CTNNBL1: variants seen among roughly 807,000 people sequenced by gnomAD.
CTNNBL1 encodes the protein beta-catenin-like protein 1.
CTNNBL1 carries 31 observed loss-of-function variants against 72.7 expected under a neutral mutation model. The ratio of observed to expected loss-of-function variants is 0.43; its 90% CI spans 0.32 to 0.58. The LOEUF (loss-of-function observed/expected upper bound fraction) is 0.58. CTNNBL1 is among the 20% of genes least tolerant of loss of function. The pLI is 0.08. For synonymous variants in CTNNBL1, 240 were observed against 267.3 expected, an observed-to-expected ratio of 0.90 and a Z score of 1.00; for missense variants, 534 against 725.1, an observed-to-expected ratio of 0.74 and a Z score of 3.03.
At chr20:37,783,557 GT>G (rs1406640358) in intron 10 of CTNNBL1, among the ~76,000 whole-genome samples, 1 of 151,990 alleles carries the variant, frequency 6.6e-6, no homozygotes, top group Non-Finnish European at 1.5e-5. Flanking sequence ...TTGGTATGTT[GT>G]GTTTCCATTT....
At chr20:37,771,271 G>A (rs997150810) in intron 7 of CTNNBL1, among the ~76,000 whole-genome samples, 3 of 152,180 alleles carry the variant, frequency 2.0e-5, no homozygotes, top group African/African-American at 7.2e-5. Flanking sequence ...TAGACCTACC[G>A]TCTCAGTCTC....
chr20:37,795,364 G>C (rs1283012953), intron 10 of CTNNBL1, among the ~76,000 whole-genome samples: 1 of 152,142 alleles, frequency 6.6e-6, no homozygotes, highest in African/African-American at 2.4e-5. Context: ...ATGTTGCCCA[G>C]TTGGACAGTT....
At chr20:37,858,806 C>G (rs1337367270) in intron 13 of CTNNBL1, among the ~76,000 whole-genome samples, 1 of 152,042 alleles carries the variant, frequency 6.6e-6, no homozygotes, top group Non-Finnish European at 1.5e-5. Context: ...TCTAGGGTTA[C>G]AAAGGAGACT....
intron 1 of CTNNBL1, among the ~76,000 whole-genome samples, chr20:37,720,089 G>A (rs185735072): frequency 1.8e-4 from 27 of 152,054 alleles, no homozygotes; most frequent in Admixed American, 3.3e-4. Flanking sequence ...GTGCAGTGGC[G>A]CAATCTCGGC....
At chr20:37,705,589 G>A (rs538835667) in intron 1 of CTNNBL1, among the ~76,000 whole-genome samples, 4 of 152,280 alleles carry the variant, frequency 2.6e-5, no homozygotes, top group African/African-American at 9.6e-5. Flanking sequence ...ACATGCTACA[G>A]TATAGAAATG....
At chr20:37,798,731 C>A (rs2073799705) in intron 10 of CTNNBL1, among the ~76,000 whole-genome samples, 1 of 152,136 alleles carries the variant, frequency 6.6e-6, no homozygotes, top group African/African-American at 2.4e-5. Flanking sequence ...CTTGGCTACA[C>A]CAGAGTCTTT....
At chr20:37,782,310 G>T (rs1016114721) in intron 10 of CTNNBL1, among the ~76,000 whole-genome samples, 2 of 151,980 alleles carry the variant, frequency 1.3e-5, no homozygotes, top group Non-Finnish European at 2.9e-5. Flanking sequence ...TTTCCTTTCT[G>T]ATTATTGATG....
At chr20:37,815,524 G>A (rs1009354290) in intron 11 of CTNNBL1, among the ~76,000 whole-genome samples, 1 of 151,980 alleles carries the variant, frequency 6.6e-6, no homozygotes, top group Non-Finnish European at 1.5e-5. Context: ...CACCATGTTG[G>A]TCAGGCTGCT....
chr20:37,826,857 G>T (rs947649750), intron 11 of CTNNBL1, among the ~76,000 whole-genome samples: 4 of 152,118 alleles, frequency 2.6e-5, no homozygotes, highest in Non-Finnish European at 4.4e-5. Flanking sequence ...ACTGAGTGTC[G>T]TATGTATAAT....
At chr20:37,760,702 AT>A (rs1460546478) in intron 5 of CTNNBL1, among the ~76,000 whole-genome samples, 1 of 152,256 alleles carries the variant, frequency 6.6e-6, no homozygotes, top group Non-Finnish European at 1.5e-5. Flanking sequence ...CAAGTGAGAT[AT>A]TTAATAAGTC....
intron 13 of CTNNBL1, among the ~76,000 whole-genome samples, chr20:37,851,190 A>G (rs1335249909): frequency 6.6e-6 from 1 of 152,220 alleles, no homozygotes; most frequent in Non-Finnish European, 1.5e-5. Flanking sequence ...GCCCCTAAAC[A>G]GGCTTATGCT....
intron 3 of CTNNBL1, among the ~76,000 whole-genome samples, chr20:37,740,225 A>C (rs1172027768): frequency 6.6e-6 from 1 of 152,190 alleles, no homozygotes; most frequent in African/African-American, 2.4e-5. Flanking sequence ...AGCAGTTAGG[A>C]AACTACATTG....
At chr20:37,704,752 G>A (rs1448495021) in intron 1 of CTNNBL1, among the ~76,000 whole-genome samples, 1 of 152,014 alleles carries the variant, frequency 6.6e-6, no homozygotes, top group African/African-American at 2.4e-5. Context: ...TAGCCTCCTG[G>A]GTGGTCTTAC....
At position 37,830,403 on chromosome 20, in the gene CTNNBL1, A is replaced by G. The variant is rs146510139; in HGVS notation, c.1214-9699A>G. Among the ~76,000 whole-genome samples the G allele has an allele frequency of 2.6e-4, 39 of 152,220 alleles. 1 individual carries two copies. The East Asian group carries it at 6.4e-3, about 25-fold the overall frequency. The stretch of plus-strand genomic sequence containing the variant: ...CTCCTGTGACCCAGCTCCGCTTGCT[A>G]GGGCCTCCTTTTCCTTTCTGGTGAA... On this transcript the variant is annotated intron_variant, in intron 11 of 15. Coordinates refer to ENST00000361383, the MANE Select transcript of CTNNBL1 (RefSeq NM_030877.5).
chr20:37,747,623 G>A (rs1220527789), intron 4 of CTNNBL1, among the ~76,000 whole-genome samples: 1 of 152,068 alleles, frequency 6.6e-6, no homozygotes, highest in East Asian at 1.9e-4. Flanking sequence ...TTGTCACCCT[G>A]ACTGAAGTGC....
intron 3 of CTNNBL1, among the ~76,000 whole-genome samples, chr20:37,742,300 A>G (rs2073223663): frequency 6.6e-6 from 1 of 152,162 alleles, no homozygotes. Flanking sequence ...CACTTGTGGC[A>G]GCTGTTTTCA....
intron 15 of CTNNBL1, among the ~76,000 whole-genome samples, chr20:37,868,336 G>A (rs924485993): frequency 3.3e-5 from 5 of 151,840 alleles, no homozygotes; most frequent in South Asian, 2.1e-4. Flanking sequence ...TTTGAATTCC[G>A]GCTCCTCTAC....
intron 7 of CTNNBL1, among the ~76,000 whole-genome samples, chr20:37,774,950 T>C (rs912960780): frequency 1.3e-5 from 2 of 152,300 alleles, no homozygotes; most frequent in East Asian, 1.9e-4. Context: ...AAAAGTGCTA[T>C]TTTTTATTTT....
intron 11 of CTNNBL1, among the ~76,000 whole-genome samples, chr20:37,818,509 T>C (rs1869123260): frequency 6.6e-6 from 1 of 152,184 alleles, no homozygotes; most frequent in African/African-American, 2.4e-5. Context: ...AGCCTTGTGG[T>C]CTTGGGGTTT....
Sources: allele counts gnomAD v4.1 joint callset (sites outside exome capture counted in the v4.1 genomes callset), GRCh38; gene constraint gnomAD v4.1.1; transcripts MANE v1.5; gene names NCBI Gene and HGNC (gene_info 2026-07-23, HGNC 2026-07-21).